The following SMYD3 variants were observed in gnomAD, a reference collection of about 807,000 sequenced individuals.
The protein encoded by SMYD3 is histone-lysine N-methyltransferase SMYD3.
SMYD3 carries 36 observed loss-of-function variants against 57.7 expected under a neutral mutation model. The observed-to-expected ratio is 0.62, with a 90% CI of 0.48 to 0.82. The LOEUF (loss-of-function observed/expected upper bound fraction) is 0.82. Among genes scored for constraint, SMYD3 ranks in the 40% least tolerant of loss-of-function variants. SMYD3 has a pLI of 0.00. For missense variants in SMYD3, 515 were observed against 538.8 expected (o/e 0.96, Z 0.44); for synonymous variants, 211 against 195.0 (o/e 1.08, Z -0.68).
chr1:245,764,434 G>A (rs1473004864), intron 10 of SMYD3, among the ~76,000 whole-genome samples: 5 of 130,772 alleles, frequency 3.8e-5, no homozygotes, highest in Admixed American at 8.0e-5. Context: ...GGAGCTCTGC[G>A]TTGATATTTG....
intron 5 of SMYD3, among the ~76,000 whole-genome samples, chr1:245,949,579 G>T (rs2057547563): frequency 6.6e-6 from 1 of 152,198 alleles, no homozygotes; most frequent in South Asian, 2.1e-4. Context: ...GGAGGCCAAG[G>T]CGGTGGATCA....
chr1:246,424,966 A>T (rs1163275337), intron 1 of SMYD3, among the ~76,000 whole-genome samples: 1 of 152,238 alleles, frequency 6.6e-6, no homozygotes, highest in East Asian at 1.9e-4. Flanking sequence ...GATAATAGTA[A>T]TCAAGTACTA....
chr1:246,045,020 T>C lies in SMYD3; in HGVS notation c.532-115083A>G, dbSNP rs187255713. 1.5e-3 allele frequency among the ~76,000 whole-genome samples: 232 copies of C among 152,292 alleles called. 3 individuals carry two copies. The highest frequency in any genetic ancestry group is 5.1e-3 in the African/African-American group (212 of 41,574). On this transcript the variant is annotated intron_variant, in intron 5 of 11. Coordinates refer to ENST00000490107, the MANE Select transcript of SMYD3 (RefSeq NM_001167740.2). ...TGGAAGAGCATTCCATGCTCATGGA[T>C]AGGAAGACTCAATATTGTGAAAACG...
intron 5 of SMYD3, among the ~76,000 whole-genome samples, chr1:246,176,759 GC>G (rs1440320041): frequency 6.6e-6 from 1 of 152,148 alleles, no homozygotes; most frequent in Admixed American, 6.5e-5. Flanking sequence ...CTGAGCTCAA[GC>G]AACCTGCTCA....
At chr1:246,306,913 G>C (rs2064989351) in intron 5 of SMYD3, among the ~76,000 whole-genome samples, 1 of 151,516 alleles carries the variant, frequency 6.6e-6, no homozygotes, top group African/African-American at 2.4e-5. Flanking sequence ...CTGATCCTCA[G>C]ACCAATGACC....
At chr1:245,835,287 T>C (rs2050052268) in intron 10 of SMYD3, among the ~76,000 whole-genome samples, 1 of 152,094 alleles carries the variant, frequency 6.6e-6, no homozygotes, top group South Asian at 2.1e-4. Context: ...ACCCAGCTAA[T>C]TTTTGTATTT....
intron 5 of SMYD3, among the ~76,000 whole-genome samples, chr1:246,257,472 T>C (rs1289634600): frequency 6.6e-6 from 1 of 152,244 alleles, no homozygotes; most frequent in Non-Finnish European, 1.5e-5. Context: ...TAGCAAGCCC[T>C]GCTCTTTTTT....
chr1:246,345,685 C>T (rs2065703087), intron 2 of SMYD3, among the ~76,000 whole-genome samples: 1 of 152,142 alleles, frequency 6.6e-6, no homozygotes, highest in African/African-American at 2.4e-5. Context: ...AAGGAGAAGA[C>T]TGCTCCTGCT....
intron 5 of SMYD3, among the ~76,000 whole-genome samples, chr1:246,116,201 GACACACACACACACACACACAC>G (rs56722969): frequency 0.072 from 10,507 of 146,006 alleles, 1,092 homozygotes; most frequent in African/African-American, 0.23. Context: ...CCCTGAGATG[GACACACACACACACACACACAC>G]ACACACACAC....
intron 1 of SMYD3, among the ~76,000 whole-genome samples, chr1:246,481,796 GAT>G (rs1460716327): frequency 2.7e-5 from 4 of 149,118 alleles, no homozygotes; most frequent in Non-Finnish European, 5.9e-5. Context: ...GAGAGAGAGA[GAT>G]CGATCGATCG....
chr1:245,955,033 C>G (rs570957068), intron 5 of SMYD3, among the ~76,000 whole-genome samples: 11 of 152,304 alleles, frequency 7.2e-5, no homozygotes, highest in African/African-American at 2.6e-4. Flanking sequence ...CTGCACCCAA[C>G]ACGTATTTCA....
At chr1:245,832,504 T>A (rs2049895757) in intron 10 of SMYD3, among the ~76,000 whole-genome samples, 1 of 141,570 alleles carries the variant, frequency 7.1e-6, no homozygotes. Context: ...TTTTTGAGAG[T>A]TGAGGAGAAG....
chr1:245,978,223 G>T (rs555992673), intron 5 of SMYD3, among the ~76,000 whole-genome samples: 34 of 152,278 alleles, frequency 2.2e-4, no homozygotes, highest in African/African-American at 7.7e-4. Flanking sequence ...ATGCTGGGAG[G>T]CATCTTCTGT....
chr1:246,473,256 T>G (rs1440522394), intron 1 of SMYD3, among the ~76,000 whole-genome samples: 5 of 152,222 alleles, frequency 3.3e-5, no homozygotes, highest in Non-Finnish European at 7.3e-5. Context: ...ACTATTAAGT[T>G]AACTGGTTCT....
chr1:245,791,560 G>A (rs1179143686), intron 10 of SMYD3, among the ~76,000 whole-genome samples: 1 of 143,676 alleles, frequency 7.0e-6, no homozygotes, highest in African/African-American at 2.6e-5. Context: ...TTTTCTGTAA[G>A]TAACAAGTTT....
intron 11 of SMYD3, among the ~76,000 whole-genome samples, chr1:245,750,276 G>A (rs1289999604): frequency 6.6e-6 from 1 of 152,060 alleles, no homozygotes; most frequent in Non-Finnish European, 1.5e-5. Context: ...GTGAGACTAG[G>A]TCAAAAAGGC....
intron 5 of SMYD3, among the ~76,000 whole-genome samples, chr1:246,029,907 C>T (rs1213782013): frequency 6.6e-6 from 1 of 151,490 alleles, no homozygotes; most frequent in African/African-American, 2.4e-5. Context: ...CAAATAGGTA[C>T]AGCCACTGTA....
At chr1:246,200,466 A>C (rs2062902507) in intron 5 of SMYD3, among the ~76,000 whole-genome samples, 1 of 152,096 alleles carries the variant, frequency 6.6e-6, no homozygotes, top group African/African-American at 2.4e-5. Context: ...GCTGAGCAAG[A>C]ATGTACACAG....
At chr1:246,292,340 G>A (rs2064710637) in intron 5 of SMYD3, among the ~76,000 whole-genome samples, 1 of 150,928 alleles carries the variant, frequency 6.6e-6, no homozygotes, top group African/African-American at 2.4e-5. Context: ...CAATACACCA[G>A]TACATTAGAC....
Sources: allele counts gnomAD v4.1 joint callset (sites outside exome capture counted in the v4.1 genomes callset), GRCh38; gene constraint gnomAD v4.1.1; transcripts MANE v1.5; gene names NCBI Gene and HGNC (gene_info 2026-07-23, HGNC 2026-07-21).